The following ANKIB1 variants were observed in gnomAD, a reference collection of about 807,000 sequenced individuals.
ANKIB1 encodes the protein ankyrin repeat and IBR domain-containing protein 1.
Under a neutral mutation model 122.1 loss-of-function variants are expected in ANKIB1, and 43 were observed. That is an observed-to-expected ratio of 0.35 (90% CI 0.28 to 0.45). The LOEUF is 0.45. Ranked by LOEUF, ANKIB1 falls within the 20% of genes least tolerant of loss-of-function variation. ANKIB1 has a pLI of 1.00. For synonymous variants in ANKIB1, 390 were observed against 442.0 expected, an observed-to-expected ratio of 0.88 and a Z score of 1.48; for missense variants, 992 against 1,329.5, an observed-to-expected ratio of 0.75 and a Z score of 3.95.
At chr7:92,371,907 C>T (rs1804263413) in intron 11 of ANKIB1, among the ~76,000 whole-genome samples, 1 of 150,824 alleles carries the variant, frequency 6.6e-6, no homozygotes, top group Admixed American at 6.6e-5. Flanking sequence ...TGCTAGTCAC[C>T]TTCCCCGCTA....
chr7:92,393,585 A>G (rs1804829944), intron 17 of ANKIB1, among the ~76,000 whole-genome samples: 1 of 152,104 alleles, frequency 6.6e-6, no homozygotes, highest in Admixed American at 6.6e-5. Flanking sequence ...CAGTGTATTC[A>G]CAAGCATGTA....
At chr7:92,344,401 C>T (rs1803497804) in intron 6 of ANKIB1, among the ~76,000 whole-genome samples, 1 of 151,742 alleles carries the variant, frequency 6.6e-6, no homozygotes, top group Non-Finnish European at 1.5e-5. Flanking sequence ...GACAGGGTTT[C>T]ACCATGTTGG....
chr7:92,361,544 A>G (rs1264941595), intron 9 of ANKIB1, among the ~76,000 whole-genome samples: 1 of 152,228 alleles, frequency 6.6e-6, no homozygotes, highest in Non-Finnish European at 1.5e-5. Flanking sequence ...AATAACAAGA[A>G]TTTAAAATAT....
chr7:92,345,251 G>C (rs564451766), intron 7 of ANKIB1, among the ~76,000 whole-genome samples, 185 bp downstream of exon 7: 1 of 152,092 alleles, frequency 6.6e-6, no homozygotes, highest in South Asian at 2.1e-4. Context: ...GTCTTCCCCA[G>C]CTATTTTAAT....
intron 2 of ANKIB1, among the ~76,000 whole-genome samples, chr7:92,297,247 G>A (rs1166541051): frequency 6.6e-6 from 1 of 152,140 alleles, no homozygotes; most frequent in Non-Finnish European, 1.5e-5. Context: ...TGTAAGCTTT[G>A]GGCTCTTAAC....
In ANKIB1 at chr7:92,294,899, A is replaced by G; in HGVS notation, c.-80A>G. The G allele has an allele frequency of 3.1e-6, 3 of 958,030 alleles. No individual in the cohort carries two copies. The highest frequency in any genetic ancestry group is 4.5e-6 in the Non-Finnish European group (3 of 671,146). The allele number at this position is 958,030 out of a possible 1,614,324, so 59.3% of individuals were successfully genotyped here. A position where few individuals can be genotyped will look rare whatever the true frequency, so the allele number is the denominator to read the frequency against. ...CTTTTCCTTCATTAGAATGTGAAAG[A>G]TGTTGCAGAAGTGTTCCAGAAGTGG... is the stretch of plus-strand genomic sequence containing the variant. On this transcript the variant is annotated 5_prime_UTR_variant, in exon 2 of 20. An upstream start codon of the reference 5' UTR is lost. Coordinates refer to ENST00000265742, the MANE Select transcript of ANKIB1 (RefSeq NM_019004.2).
chr7:92,274,109 T>G lies in ANKIB1; in HGVS notation c.-90-20780T>G, dbSNP rs138703644. ...TTTTTAATAGTTAAGCTTTTCTGTT[T>G]CCAGTCAAGAATTTATTTTATCTCC... On this transcript the variant is annotated intron_variant, in intron 1 of 19. Transcript: ENST00000265742. Among the ~76,000 whole-genome samples the G allele has an allele frequency of 2.1e-4, 32 of 152,266 alleles. No individual in the cohort carries two copies. The East Asian group carries it at 6.0e-3, about 28-fold the overall frequency.
chr7:92,356,739 A>G (rs997259190), intron 9 of ANKIB1, among the ~76,000 whole-genome samples: 2 of 152,204 alleles, frequency 1.3e-5, no homozygotes, highest in South Asian at 4.1e-4. Context: ...ACCAAAAACT[A>G]TTTAGCTTCA....
Position 92,294,960 on chromosome 7 carries a change from A to G in ANKIB1, c.-19A>G. ...AAGGAAAAAAGTGCCACTGCCTATC[A>G]GAAAAAACAAAACAAAACATGGGAA... On this transcript the variant is annotated 5_prime_UTR_variant, in exon 2 of 20. Transcript: ENST00000265742. 6.4e-7 allele frequency: 1 copy of G among 1,566,122 alleles called. No individual in the cohort carries two copies.
intron 11 of ANKIB1, among the ~76,000 whole-genome samples, chr7:92,385,871 A>C (rs1252435959): frequency 6.6e-6 from 1 of 152,212 alleles, no homozygotes; most frequent in Non-Finnish European, 1.5e-5. Context: ...CCTAGAACTT[A>C]ATGTATAATA....
intron 1 of ANKIB1, among the ~76,000 whole-genome samples, chr7:92,251,649 A>G (rs1159296504): frequency 6.6e-6 from 1 of 152,128 alleles, no homozygotes; most frequent in Non-Finnish European, 1.5e-5. Flanking sequence ...CCATACATAC[A>G]TACCTCCTCA....
intron 1 of ANKIB1, among the ~76,000 whole-genome samples, chr7:92,255,473 T>G (rs1465294865): frequency 6.6e-6 from 1 of 152,232 alleles, no homozygotes; most frequent in Non-Finnish European, 1.5e-5. Flanking sequence ...TCCAGGCTTG[T>G]CACCTCGTGG....
chr7:92,291,097 C>G (rs1000363792), intron 1 of ANKIB1, among the ~76,000 whole-genome samples: 6 of 152,026 alleles, frequency 3.9e-5, no homozygotes. Context: ...AGTTCGAGAC[C>G]AGCCTGGCCA....
In ANKIB1 at chr7:92,246,050, A is replaced by G; in HGVS notation, c.-560A>G. 1 of 269,644 alleles carries G rather than the reference A, an allele frequency of 3.7e-6. No individual in the cohort carries two copies. Among genetic ancestry groups the G allele is most frequent in the South Asian group, 3.0e-5 (1 of 33,532 alleles). The allele number at this position is 269,644 out of a possible 1,614,324, so 16.7% of individuals were successfully genotyped here. ...GTCTCTCAGGGGCTGGTGGCAGGCGACTAGGAGACTAGGGTGGTGGCGGTG... is the reference window on the plus strand; with the variant it reads ...GTCTCTCAGGGGCTGGTGGCAGGCGGCTAGGAGACTAGGGTGGTGGCGGTG... On this transcript the variant is annotated 5_prime_UTR_variant, in exon 1 of 20. Transcript: ENST00000265742.
At chr7:92,356,072 CTT>C (rs1172625856) in intron 9 of ANKIB1, among the ~76,000 whole-genome samples, 1 of 152,066 alleles carries the variant, frequency 6.6e-6, no homozygotes, top group Non-Finnish European at 1.5e-5. Context: ...AATGTACAGA[CTT>C]TTCAAGTTTG....
chr7:92,271,127 T>A (rs1801781920), intron 1 of ANKIB1, among the ~76,000 whole-genome samples: 2 of 152,178 alleles, frequency 1.3e-5, no homozygotes, highest in South Asian at 2.1e-4. Context: ...TTTAGTTAAT[T>A]TTTGTATAAG....
At chr7:92,288,262 C>CAA (rs1318753630) in intron 1 of ANKIB1, among the ~76,000 whole-genome samples, 3 of 152,064 alleles carry the variant, frequency 2.0e-5, no homozygotes, top group Non-Finnish European at 4.4e-5. Flanking sequence ...ATAGCATCCC[C>CAA]AAAAAATAGG....
chr7:92,350,108 C>T (rs949767919), intron 7 of ANKIB1, among the ~76,000 whole-genome samples: 5 of 151,646 alleles, frequency 3.3e-5, no homozygotes, highest in African/African-American at 1.2e-4. Context: ...ATTTTTTCCT[C>T]ACTACTCAAG....
intron 4 of ANKIB1, among the ~76,000 whole-genome samples, chr7:92,320,230 GT>G (rs1166177281): frequency 6.6e-6 from 1 of 152,072 alleles, no homozygotes; most frequent in East Asian, 1.9e-4. Flanking sequence ...TTCCCCTTTA[GT>G]TGTAGCCCCA....
Sources: gnomAD v4.1 joint callset for allele counts (sites outside exome capture counted in the v4.1 genomes callset) on GRCh38, gnomAD v4.1.1 for gene constraint, MANE v1.5 for transcripts, NCBI Gene and HGNC (gene_info 2026-07-23, HGNC 2026-07-21) for gene names.